CAB39L: variants seen among roughly 807,000 people sequenced by gnomAD.
The protein encoded by CAB39L is calcium-binding protein 39-like.
A neutral mutation model predicts 39.1 loss-of-function variants in CAB39L; 23 were observed. The ratio of observed to expected loss-of-function variants is 0.59; its 90% CI spans 0.42 to 0.83. CAB39L has a LOEUF of 0.83. CAB39L is among the 40% of genes least tolerant of loss of function. The pLI, the probability that CAB39L is intolerant of heterozygous loss-of-function variation, is 0.00. For synonymous variants in CAB39L, 126 were observed against 137.2 expected (o/e 0.92, Z 0.57); for missense variants, 366 against 391.9 (o/e 0.93, Z 0.56).
At chr13:49,401,520 C>T (rs961757859) in intron 3 of CAB39L, 5 of 150,904 alleles carry the variant, frequency 3.3e-5, no homozygotes, top group Non-Finnish European at 1.5e-5. Flanking sequence ...TCTCCACTCC[C>T]TCTCTAACAC....
chr13:49,364,284 C>A (rs1299759753), intron 5 of CAB39L, among the ~76,000 whole-genome samples: 1 of 152,002 alleles, frequency 6.6e-6, no homozygotes, highest in Non-Finnish European at 1.5e-5. Flanking sequence ...TATTGGAAGT[C>A]TTAGCTAGAG....
chr13:49,413,621 C>T (rs1037065359), intron 3 of CAB39L: 15 of 152,204 alleles, frequency 9.9e-5, no homozygotes, highest in Admixed American at 9.2e-4. Flanking sequence ...ACAGGGAGGG[C>T]ACATATATTT....
chr13:49,333,727 A>G (rs1954774699), intron 9 of CAB39L, among the ~76,000 whole-genome samples: 1 of 151,332 alleles, frequency 6.6e-6, no homozygotes, highest in Non-Finnish European at 1.5e-5. Flanking sequence ...ACCTGCCACC[A>G]TGCCCGGCTA....
At chr13:49,326,077 T>C (rs1954487797) in intron 10 of CAB39L, among the ~76,000 whole-genome samples, 1 of 152,352 alleles carries the variant, frequency 6.6e-6, no homozygotes, top group Admixed American at 6.5e-5. Context: ...GCACTGGCCA[T>C]GCCTGAGTTC....
intron 3 of CAB39L, among the ~76,000 whole-genome samples, chr13:49,420,718 T>C (rs1019587015): frequency 6.6e-6 from 1 of 152,228 alleles, no homozygotes; most frequent in African/African-American, 2.4e-5. Flanking sequence ...AATTAATGTA[T>C]CCTAGAATTC....
intron 4 of CAB39L, among the ~76,000 whole-genome samples, chr13:49,380,757 A>G (rs1366504525): frequency 6.6e-6 from 1 of 152,238 alleles, no homozygotes; most frequent in East Asian, 1.9e-4. Context: ...TTTTAAAGAA[A>G]TATACTTTCA....
chr13:49,384,028 C>T (rs965812614), intron 3 of CAB39L, among the ~76,000 whole-genome samples: 16 of 152,122 alleles, frequency 1.1e-4, no homozygotes, highest in Non-Finnish European at 1.3e-4. Flanking sequence ...AAGTTTGCTA[C>T]GTTGACTCTT....
chr13:49,316,366 A>G (rs1474251170), intron 10 of CAB39L, among the ~76,000 whole-genome samples: 1 of 152,178 alleles, frequency 6.6e-6, no homozygotes, highest in Non-Finnish European at 1.5e-5. Flanking sequence ...CCAGGACCAG[A>G]TGGCTTCACT....
chr13:49,329,545 ATATATATATATATATAT>A (rs869082687), intron 10 of CAB39L, among the ~76,000 whole-genome samples: 3,769 of 84,502 alleles, frequency 0.045, 461 homozygotes, highest in Middle Eastern at 0.094. Flanking sequence ...AAAAAAAAAA[ATATATATATATATATAT>A]ATATATATAT....
At chr13:49,313,029 A>G (rs1358726641) in intron 10 of CAB39L, among the ~76,000 whole-genome samples, 1 of 152,218 alleles carries the variant, frequency 6.6e-6, no homozygotes, top group Admixed American at 6.5e-5. Context: ...TATAGTATGA[A>G]AGAGCTTATG....
rs1000689630 is a variant in CAB39L, at chr13:49,351,261, A to ATT, written c.396-351_396-350dup. ...TACGCCACATTATAAAGGTGACTAA[A>ATT]TTGTGTGTGTGTGTGTGTGTGTGTG... On this transcript the variant is annotated intron_variant, in intron 6 of 10. Transcript: ENST00000409308. 4.3e-4 allele frequency: 40 copies of ATT among 92,956 alleles called. No homozygotes were observed. The South Asian group carries it at 0.014, about 31-fold the overall frequency. 5.8% of individuals were successfully genotyped at this position (92,956 alleles called of 1,614,324 possible).
intron 3 of CAB39L, among the ~76,000 whole-genome samples, chr13:49,411,238 G>T (rs1373864551): frequency 6.6e-6 from 1 of 151,418 alleles, no homozygotes; most frequent in African/African-American, 2.4e-5. Flanking sequence ...GTGAGACCTC[G>T]TCTCTATCAA....
At chr13:49,404,105 A>T (rs1222585986) in intron 3 of CAB39L, among the ~76,000 whole-genome samples, 2 of 152,218 alleles carry the variant, frequency 1.3e-5, no homozygotes, top group Non-Finnish European at 2.9e-5. Flanking sequence ...GTGACCCAGC[A>T]TTGACGCAGT....
chr13:49,340,145 G>C (rs1328053601), intron 8 of CAB39L, among the ~76,000 whole-genome samples: 1 of 152,164 alleles, frequency 6.6e-6, no homozygotes, highest in African/African-American at 2.4e-5. Flanking sequence ...GAATCAGACT[G>C]TTCAATTCAC....
At chr13:49,438,013 T>C (rs2138749696) in intron 1 of CAB39L, among the ~76,000 whole-genome samples, 1 of 152,206 alleles carries the variant, frequency 6.6e-6, no homozygotes, top group South Asian at 2.1e-4. Context: ...TTTATTTTTT[T>C]TAAGAGACAA....
At chr13:49,375,873 A>G (rs1956046722) in intron 5 of CAB39L, among the ~76,000 whole-genome samples, 1 of 152,110 alleles carries the variant, frequency 6.6e-6, no homozygotes, top group Admixed American at 6.5e-5. Context: ...AGAATAAGGA[A>G]GGGAAAGAAA....
At chr13:49,341,790 C>T (rs550923455) in intron 8 of CAB39L, among the ~76,000 whole-genome samples, 29 of 152,234 alleles carry the variant, frequency 1.9e-4, no homozygotes, top group Middle Eastern at 3.4e-3. Context: ...ATCCTGATTA[C>T]CCTGATGTGA....
chr13:49,333,718 C>A (rs2138401168), intron 9 of CAB39L, among the ~76,000 whole-genome samples: 1 of 151,918 alleles, frequency 6.6e-6, no homozygotes, highest in African/African-American at 2.4e-5. Context: ...ACTACAGCCA[C>A]CTGCCACCAT....
At chr13:49,358,373 G>A (rs1219184836) in intron 6 of CAB39L, among the ~76,000 whole-genome samples, 1 of 152,178 alleles carries the variant, frequency 6.6e-6, no homozygotes, top group Non-Finnish European at 1.5e-5. Context: ...AAAGGAAATA[G>A]AATAATGGTG....
Sources: allele counts gnomAD v4.1 joint callset (sites outside exome capture counted in the v4.1 genomes callset), GRCh38; gene constraint gnomAD v4.1.1; transcripts MANE v1.5; gene names NCBI Gene and HGNC (gene_info 2026-07-23, HGNC 2026-07-21).